Variants in SMIM13 observed in about 807,000 individuals in gnomAD.
SMIM13 encodes UPF0766 protein C6orf228.
A neutral mutation model predicts 5.9 loss-of-function variants in SMIM13; 3 were observed. That is an observed-to-expected ratio of 0.51 (90% CI 0.23 to 1.31). SMIM13 has a LOEUF of 1.31. Among genes scored for constraint, SMIM13 ranks in the 40% most tolerant of loss-of-function variants. The probability of loss-of-function intolerance (pLI) is 0.18; values close to 1 mark genes in which losing one functional copy is unlikely to be tolerated. For missense variants in SMIM13, 85 were observed against 109.9 expected (o/e 0.77, Z 1.01); for synonymous variants, 55 against 46.0 (o/e 1.19, Z -0.79).
At chr6:11,110,610 C>G (rs1157766111) in intron 1 of SMIM13, among the ~76,000 whole-genome samples, 1 of 152,116 alleles carries the variant, frequency 6.6e-6, no homozygotes, top group African/African-American at 2.4e-5. Flanking sequence ...GATTCTTCAT[C>G]CTCCCAGGGT....
chr6:11,117,999 G>T (rs1227809595), intron 1 of SMIM13, among the ~76,000 whole-genome samples: 1 of 152,142 alleles, frequency 6.6e-6, no homozygotes, highest in Non-Finnish European at 1.5e-5. Context: ...GCCTCCCAAA[G>T]TGCTGGGATT....
chr6:11,116,311 T>C (rs1204719190), intron 1 of SMIM13, among the ~76,000 whole-genome samples: 1 of 152,188 alleles, frequency 6.6e-6, no homozygotes, highest in Non-Finnish European at 1.5e-5. Flanking sequence ...GAGCCATTGC[T>C]CCTGGCCAGC....
chr6:11,130,023 T>A (rs1758431225), intron 1 of SMIM13, among the ~76,000 whole-genome samples: 2 of 152,120 alleles, frequency 1.3e-5, no homozygotes, highest in Non-Finnish European at 2.9e-5. Flanking sequence ...CAGCCTGTGG[T>A]AGAAGTATCA....
chr6:11,127,753 C>T (rs1758396433), intron 1 of SMIM13, among the ~76,000 whole-genome samples: 1 of 152,172 alleles, frequency 6.6e-6, no homozygotes, highest in South Asian at 2.1e-4. Flanking sequence ...CCCACTGGGT[C>T]CCTCCCACAA....
In SMIM13 at chr6:11,117,631, C is replaced by T. The variant is rs145781266; in HGVS notation, c.77-16772C>T. 1.0e-3 allele frequency among the ~76,000 whole-genome samples: 154 copies of T among 151,678 alleles called. 2 individuals are homozygous for T. Among genetic ancestry groups the T allele is most frequent in the African/African-American group, 3.3e-3 (136 of 41,332 alleles). On this transcript the variant is annotated intron_variant, in intron 1 of 1. Transcript: ENST00000416247. ...AATATTTGTTCTTTTCCAGATATTTCGTTATCAGTTTCTAATTTGACTTTT... is the reference window on the plus strand; with the variant it reads ...AATATTTGTTCTTTTCCAGATATTTTGTTATCAGTTTCTAATTTGACTTTT...
intron 1 of SMIM13, among the ~76,000 whole-genome samples, chr6:11,114,014 C>G (rs7760737): frequency 0.18 from 26,654 of 147,114 alleles, 2,643 homozygotes; most frequent in East Asian, 0.41. Flanking sequence ...GAATCTCACT[C>G]TGTCGCCCAG....
rs763366535 is a variant in SMIM13, at chr6:11,132,756, C to T, written c.77-1647C>T. ...GAGACAGAGAGTAGATTAGAGGTTG[C>T]CAGGGGCAAGTGGGAGCAGGGATGG... On this transcript the variant is annotated intron_variant, in intron 1 of 1. Transcript: ENST00000416247. Among the ~76,000 whole-genome samples, 6 of 152,022 alleles carry T rather than the reference C, an allele frequency of 3.9e-5. No individual in the cohort carries two copies. The South Asian group carries it at 1.2e-3, about 32-fold the overall frequency.
intron 1 of SMIM13, among the ~76,000 whole-genome samples, chr6:11,117,165 A>ATTTTTTTTTTTTTTTTTT (rs34579750): frequency 2.3e-4 from 16 of 69,032 alleles, no homozygotes; most frequent in Non-Finnish European, 3.9e-4. Flanking sequence ...TAATTTTTGT[A>ATTTTTTTTTTTTTTTTTT]TTTTTTTTTT....
At chr6:11,107,701 T>C (rs961592597) in intron 1 of SMIM13, among the ~76,000 whole-genome samples, 14 of 152,304 alleles carry the variant, frequency 9.2e-5, no homozygotes, top group Admixed American at 2.6e-4. Context: ...TGGGGATCAT[T>C]GGGTGTATTG....
intron 1 of SMIM13, among the ~76,000 whole-genome samples, chr6:11,116,877 GTTTAAT>G (rs1357831195): frequency 1.4e-5 from 2 of 146,888 alleles, no homozygotes; most frequent in Non-Finnish European, 3.0e-5. Flanking sequence ...CTTATTTTGA[GTTTAAT>G]TTGTACTTCT....
At chr6:11,099,110 C>G (rs934574463) in intron 1 of SMIM13, among the ~76,000 whole-genome samples, 3 of 152,118 alleles carry the variant, frequency 2.0e-5, no homozygotes, top group African/African-American at 4.8e-5. Flanking sequence ...AATGTCTGCT[C>G]TAGCTAATGA....
chr6:11,097,512 C>T (rs952241071), intron 1 of SMIM13, among the ~76,000 whole-genome samples: 3 of 151,076 alleles, frequency 2.0e-5, no homozygotes, highest in Non-Finnish European at 4.4e-5. Flanking sequence ...AAAAAGAATA[C>T]CAAAAATTTG....
chr6:11,096,691 CT>C (rs747210567), intron 1 of SMIM13, among the ~76,000 whole-genome samples: 50 of 133,828 alleles, frequency 3.7e-4, no homozygotes, highest in East Asian at 3.9e-4. Context: ...CTTTGTTTTG[CT>C]TTTTTTTTTC....
At chr6:11,130,896 A>C (rs1248582382) in intron 1 of SMIM13, among the ~76,000 whole-genome samples, 1 of 152,142 alleles carries the variant, frequency 6.6e-6, no homozygotes, top group Admixed American at 6.5e-5. Context: ...CAGTCAAAAG[A>C]CTTCCTCACT....
chr6:11,126,126 C>T (rs1581920274), intron 1 of SMIM13, among the ~76,000 whole-genome samples: 1 of 151,894 alleles, frequency 6.6e-6, no homozygotes, highest in African/African-American at 2.4e-5. Context: ...CTCGGCTCAC[C>T]ACAACCTCCG....
rs548346714 is a variant in SMIM13, at chr6:11,099,482, T to C, written c.76+5093T>C. Among the ~76,000 whole-genome samples, 86 of 152,304 alleles carry C rather than the reference T, an allele frequency of 5.6e-4. 1 individual carries two copies. Among genetic ancestry groups the C allele is most frequent in the African/African-American group, 2.0e-3 (82 of 41,546 alleles). On this transcript the variant is annotated intron_variant, in intron 1 of 1. Coordinates refer to ENST00000416247, the MANE Select transcript of SMIM13 (RefSeq NM_001135575.2). ...CCCACCGTGCCTGGCCCATACTACA[T>C]GTTTTACTTGTCCATCATCTGTCTC...
Position 11,094,240 on chromosome 6 carries a change from C to G in SMIM13, c.-74C>G, listed in dbSNP as rs1326259604. 1.1e-6 allele frequency: 1 copy of G among 880,396 alleles called. No individual in the cohort carries two copies. Among genetic ancestry groups the G allele is most frequent in the Non-Finnish European group, 1.5e-6 (1 of 686,554 alleles). The allele number at this position is 880,396 out of a possible 1,614,324, so 54.5% of individuals were successfully genotyped here. A position where few individuals can be genotyped will look rare whatever the true frequency, so the allele number is the denominator to read the frequency against. ...GCGCCTGGCGCCCGCCGCTGAAGCG[C>G]AGGACGCGCCGCCGCCCGCGCTCAC... On this transcript the variant is annotated 5_prime_UTR_variant, in exon 1 of 2. Coordinates refer to ENST00000416247, the MANE Select transcript of SMIM13 (RefSeq NM_001135575.2).
At chr6:11,104,895 G>A in intron 1 of SMIM13, 2 of 1,614,198 alleles carry the variant, frequency 1.2e-6, no homozygotes, top group Non-Finnish European at 1.7e-6. Context: ...ACTTGGAAGA[G>A]TGCCTACATT....
chr6:11,104,605 A>C, intron 1 of SMIM13: 1 of 1,613,966 alleles, frequency 6.2e-7, no homozygotes, highest in Non-Finnish European at 8.5e-7. Context: ...CAAAAAAGAG[A>C]ATTTCGAGTT....
Sources: gnomAD v4.1 joint callset for allele counts (sites outside exome capture counted in the v4.1 genomes callset) on GRCh38, gnomAD v4.1.1 for gene constraint, MANE v1.5 for transcripts, NCBI Gene and HGNC (gene_info 2026-07-23, HGNC 2026-07-21) for gene names.